Variants in PHF24 observed in about 807,000 individuals in gnomAD.
The protein encoded by PHF24 is Galpha inhibitory interacting protein.
In PHF24, 25 loss-of-function variants were observed where a neutral mutation model predicts 42.6. The ratio of observed to expected loss-of-function variants is 0.59; its 90% CI spans 0.43 to 0.82. The LOEUF is 0.82. PHF24 is among the 40% of genes least tolerant of loss of function. The pLI is 0.00. For synonymous variants in PHF24, 185 were observed against 204.8 expected (o/e 0.90, Z 0.83); for missense variants, 470 against 538.1 (o/e 0.87, Z 1.25).
At chr9:34,862,600 C>T in the PHF24 span, among the ~76,000 whole-genome samples, 1 of 152,050 alleles carries the variant, frequency 6.6e-6, no homozygotes, top group Non-Finnish European at 1.5e-5. Flanking sequence ...GGACCCATAA[C>T]CTGCTAACTA....
At chr9:34,894,852 T>C in the PHF24 span, among the ~76,000 whole-genome samples, 81,565 of 151,902 alleles carry the variant, frequency 0.54, 22,195 homozygotes, top group Middle Eastern at 0.61. Flanking sequence ...AGATAGAGAA[T>C]TTTTTAATGT....
the PHF24 span, among the ~76,000 whole-genome samples, chr9:34,704,393 A>T: frequency 6.6e-6 from 1 of 152,204 alleles, no homozygotes; most frequent in Admixed American, 6.5e-5. Context: ...CCCTTAAAAT[A>T]TTGACAAGGA....
the PHF24 span, among the ~76,000 whole-genome samples, chr9:34,680,709 A>AT: frequency 9.4e-5 from 6 of 63,562 alleles, no homozygotes; most frequent in African/African-American, 2.8e-4. Context: ...TAAATAAATA[A>AT]AAAAAAAAAT....
exon 8 of PHF24, chr9:34,978,244 C>A: frequency 1.5e-6 from 1 of 650,686 alleles, no homozygotes; most frequent in Non-Finnish European, 2.7e-6. Context: ...TGTCACTAAG[C>A]TTTAAGGCAC....
chr9:34,917,201 A>G, the PHF24 span: 1 of 1,451,240 alleles, frequency 6.9e-7, no homozygotes, highest in South Asian at 1.1e-5. Flanking sequence ...GTTCCCACTT[A>G]AATAAAGGCA....
the PHF24 span, chr9:34,832,351 A>G: frequency 2.7e-6 from 2 of 738,230 alleles, no homozygotes. Flanking sequence ...TGACGAGGAC[A>G]GTGGTGGGGG....
At chr9:34,693,794 G>A in the PHF24 span, among the ~76,000 whole-genome samples, 6,722 of 152,272 alleles carry the variant, frequency 0.044, 229 homozygotes, top group South Asian at 0.065. Context: ...ATGTTTATCA[G>A]AGATCTTTGT....
chr9:34,880,459 C>A, the PHF24 span, among the ~76,000 whole-genome samples: 1 of 152,064 alleles, frequency 6.6e-6, no homozygotes, highest in East Asian at 1.9e-4. Flanking sequence ...ATTCAGGAAA[C>A]CCATCTCATG....
chr9:34,966,932 A>T (rs1431470266), intron 1 of PHF24, among the ~76,000 whole-genome samples: 2 of 151,960 alleles, frequency 1.3e-5, no homozygotes, highest in Non-Finnish European at 2.9e-5. Context: ...TAATGTGATG[A>T]GGTATTGCTA....
At chr9:34,972,682 A>G (rs1238291585) in intron 3 of PHF24, 151 bp downstream of exon 3, 4 of 638,408 alleles carry the variant, frequency 6.3e-6, no homozygotes, top group East Asian at 6.3e-5. Flanking sequence ...TTGGGAGGCC[A>G]GTGCCGGAAG....
At chr9:34,709,510 C>T in the PHF24 span, 6 of 1,613,974 alleles carry the variant, frequency 3.7e-6, no homozygotes, top group African/African-American at 8.0e-5. Flanking sequence ...CTCTTGCAGC[C>T]TTTGGAGCCC....
chr9:34,755,063 G>T, the PHF24 span, among the ~76,000 whole-genome samples: 1 of 152,094 alleles, frequency 6.6e-6, no homozygotes. Context: ...GCTGGGAGGG[G>T]TAGTTGGAGG....
chr9:34,713,564 T>C, the PHF24 span, among the ~76,000 whole-genome samples: 1 of 152,144 alleles, frequency 6.6e-6, no homozygotes, highest in African/African-American at 2.4e-5. Flanking sequence ...CGATTCCAAT[T>C]GCTCTTTCCA....
At chr9:34,842,075 C>T in the PHF24 span, among the ~76,000 whole-genome samples, 7 of 152,240 alleles carry the variant, frequency 4.6e-5, no homozygotes, top group East Asian at 1.9e-4. Context: ...TTTATATAAA[C>T]GTAATCATGC....
chr9:34,868,174 G>C, the PHF24 span, among the ~76,000 whole-genome samples: 1 of 152,174 alleles, frequency 6.6e-6, no homozygotes, highest in Non-Finnish European at 1.5e-5. Context: ...AGCAGAGTGG[G>C]TGTGATGAGC....
upstream of PHF24, among the ~76,000 whole-genome samples, chr9:34,954,346 C>A (rs2132826041): frequency 6.6e-6 from 1 of 152,308 alleles, no homozygotes; most frequent in South Asian, 2.1e-4. Context: ...ATTGCACCAA[C>A]TTTGGTTGGG....
upstream of PHF24, chr9:34,957,620 C>T (rs1256160077): frequency 1.3e-5 from 2 of 152,270 alleles, no homozygotes; most frequent in Admixed American, 6.5e-5. Flanking sequence ...GAAAACAGCG[C>T]ATAGGGTAGG....
chr9:34,837,847 C>G, the PHF24 span: 11 of 622,428 alleles, frequency 1.8e-5, no homozygotes, highest in Non-Finnish European at 2.9e-5. Context: ...CCTATTCCAC[C>G]TTTTTACTCC....
At chr9:34,672,833 G>A in the PHF24 span, among the ~76,000 whole-genome samples, 1 of 152,172 alleles carries the variant, frequency 6.6e-6, no homozygotes, top group South Asian at 2.1e-4. Context: ...AAGAGACGAA[G>A]TCTCACTCTG....
Sources: gnomAD v4.1 joint callset for allele counts (sites outside exome capture counted in the v4.1 genomes callset) on GRCh38, gnomAD v4.1.1 for gene constraint, MANE v1.5 for transcripts, NCBI Gene and HGNC (gene_info 2026-07-23, HGNC 2026-07-21) for gene names.